PAG1: variants seen among roughly 807,000 people sequenced by gnomAD.
PAG1 encodes phosphoprotein membrane anchor with glycosphingolipid microdomains 1, also known as phosphoprotein associated with glycosphingolipid-enriched microdomains 1.
A neutral mutation model predicts 31.7 loss-of-function variants in PAG1; 23 were observed. The observed-to-expected ratio is 0.73, with a 90% CI of 0.52 to 1.03. The LOEUF is 1.03. PAG1 is among the 50% of genes least tolerant of loss of function. PAG1 has a pLI of 0.00. For missense variants in PAG1, 473 were observed against 540.7 expected, an observed-to-expected ratio of 0.87 and a Z score of 1.24; for synonymous variants, 214 against 210.3, an observed-to-expected ratio of 1.02 and a Z score of -0.15.
Position 81,097,164 on chromosome 8 carries a change from G to T in PAG1, c.-234+14427C>A, listed in dbSNP as rs1809541407. Among the ~76,000 whole-genome samples the T allele has an allele frequency of 2.6e-5, 4 of 152,172 alleles. No homozygotes were observed. In the South Asian group the frequency reaches 8.3e-4, roughly 32 times the overall value. On this transcript the variant is annotated intron_variant, in intron 1 of 8. Coordinates refer to ENST00000220597, the MANE Select transcript of PAG1 (RefSeq NM_018440.4). ...CCAAGGTTGGGGCCCCACCCCCAGG[G>T]CACTTTAACCAAAATTACTGGGGGT...
intron 3 of PAG1, among the ~76,000 whole-genome samples, chr8:81,001,124 TC>T (rs1203111532): frequency 6.6e-6 from 1 of 152,210 alleles, no homozygotes; most frequent in Non-Finnish European, 1.5e-5. Flanking sequence ...GCCAAAACCC[TC>T]CCACCTCTCA....
intron 3 of PAG1, among the ~76,000 whole-genome samples, chr8:81,020,576 A>T (rs1808146227): frequency 6.6e-6 from 1 of 152,092 alleles, no homozygotes; most frequent in Non-Finnish European, 1.5e-5. Flanking sequence ...TTTGCCTTCT[A>T]CCATGATTAT....
intron 2 of PAG1, among the ~76,000 whole-genome samples, chr8:81,052,079 G>A (rs560586979): frequency 2.0e-5 from 3 of 146,660 alleles, no homozygotes; most frequent in Non-Finnish European, 4.4e-5. Context: ...GCGGTGAGCC[G>A]ATATCATGCC....
intron 2 of PAG1, among the ~76,000 whole-genome samples, chr8:81,034,146 C>G (rs1023116143): frequency 2.6e-5 from 4 of 152,148 alleles, no homozygotes; most frequent in African/African-American, 7.2e-5. Context: ...ATAAATCAAC[C>G]CCACTTGATA....
In PAG1 at chr8:80,969,667, T is replaced by C. The variant is rs1169409908; in HGVS notation, c.*6877A>G. 1 of 152,204 alleles carries C rather than the reference T, an allele frequency of 6.6e-6. No individual in the cohort carries two copies. The highest frequency in any genetic ancestry group is 2.4e-5 in the African/African-American group (1 of 41,436). 9.4% of individuals were successfully genotyped at this position (152,204 alleles called of 1,614,324 possible). A position where few individuals can be genotyped will look rare whatever the true frequency, so the allele number is the denominator to read the frequency against. The stretch of plus-strand genomic sequence containing the variant: ...GTATACTAGGGGAACTTTAAAAAAC[T>C]AAATGTATAAAGAGAATGAGCAGAG... On this transcript the variant is annotated 3_prime_UTR_variant, in exon 9 of 9. Transcript: ENST00000220597.
chr8:81,068,331 T>C (rs369386699), intron 2 of PAG1, among the ~76,000 whole-genome samples: 1 of 152,214 alleles, frequency 6.6e-6, no homozygotes, highest in African/African-American at 2.4e-5. Flanking sequence ...TAAAACATCA[T>C]AAAGTCGCTA....
chr8:81,017,852 C>A (rs939389271), intron 3 of PAG1, among the ~76,000 whole-genome samples: 9 of 152,234 alleles, frequency 5.9e-5, no homozygotes, highest in African/African-American at 1.7e-4. Context: ...TTAAACAGCC[C>A]CTTGGGTAAT....
chr8:81,087,297 C>G (rs1365902380), intron 1 of PAG1, among the ~76,000 whole-genome samples: 1 of 141,164 alleles, frequency 7.1e-6, no homozygotes, highest in African/African-American at 2.7e-5. Flanking sequence ...GAGCCGAGAT[C>G]ACACCATTGC....
chr8:81,034,205 G>A (rs1808425916), intron 2 of PAG1, among the ~76,000 whole-genome samples: 1 of 152,216 alleles, frequency 6.6e-6, no homozygotes, highest in Non-Finnish European at 1.5e-5. Context: ...TAACTGCCAT[G>A]TCAAAAGGAC....
chr8:81,109,963 A>T (rs1281562532), intron 1 of PAG1, among the ~76,000 whole-genome samples: 1 of 152,202 alleles, frequency 6.6e-6, no homozygotes, highest in Admixed American at 6.5e-5. Context: ...TCTAGAGATA[A>T]GCACTGGATG....
intron 3 of PAG1, among the ~76,000 whole-genome samples, chr8:81,004,502 C>A (rs16908318): frequency 0.028 from 4,205 of 152,258 alleles, 187 homozygotes; most frequent in African/African-American, 0.096. Flanking sequence ...CTTCTAATCA[C>A]ACCATGAATA....
intron 1 of PAG1, among the ~76,000 whole-genome samples, chr8:81,086,005 G>A (rs1307653480): frequency 3.8e-5 from 3 of 79,962 alleles, no homozygotes; most frequent in South Asian, 4.0e-4. Flanking sequence ...TTTTTGAGAC[G>A]GAGTCTCGCT....
At chr8:81,087,500 A>G (rs187047789) in intron 1 of PAG1, among the ~76,000 whole-genome samples, 1 of 152,344 alleles carries the variant, frequency 6.6e-6, no homozygotes, top group African/African-American at 2.4e-5. Context: ...TTGTGTTAAT[A>G]ACAGAACAGA....
chr8:81,106,292 C>G lies in PAG1; in HGVS notation c.-234+5299G>C, dbSNP rs560612123. On this transcript the variant is annotated intron_variant, in intron 1 of 8. Coordinates refer to ENST00000220597, the MANE Select transcript of PAG1 (RefSeq NM_018440.4). ...AACCCCTGACCTCAAGTGATCCACC[C>G]TCCTCAGCCTCCCAAAGTGCTCAGA... Among the ~76,000 whole-genome samples the G allele has an allele frequency of 7.2e-5, 11 of 152,274 alleles. No individual in the cohort carries two copies. In the East Asian group the frequency reaches 2.1e-3, roughly 29 times the overall value.
chr8:81,093,117 G>A (rs1263269858), intron 1 of PAG1, among the ~76,000 whole-genome samples: 2 of 152,164 alleles, frequency 1.3e-5, no homozygotes, highest in Admixed American at 1.3e-4. Context: ...CAAATGGTAT[G>A]CTGACAGCAT....
In PAG1 at chr8:81,052,220, A is replaced by G. The variant is rs528019013; in HGVS notation, c.-175+17892T>C. ...TGAAGAAAGTAGTTTCCAAATTTTC[A>G]TTTTCATAGCTAAAACCTATTTAAA... On this transcript the variant is annotated intron_variant, in intron 2 of 8. Transcript: ENST00000220597. Among the ~76,000 whole-genome samples the G allele has an allele frequency of 2.1e-3, 317 of 151,916 alleles. 4 individuals carry two copies. The highest frequency in any genetic ancestry group is 3.2e-3 in the Middle Eastern group (1 of 314).
intron 1 of PAG1, among the ~76,000 whole-genome samples, chr8:81,080,995 A>C (rs1809256748): frequency 6.6e-6 from 1 of 152,176 alleles, no homozygotes; most frequent in South Asian, 2.1e-4. Context: ...ATAGTCAGTA[A>C]GAAAGGATGC....
intron 8 of PAG1, among the ~76,000 whole-genome samples, chr8:80,978,405 G>T (rs1200674434): frequency 6.6e-6 from 1 of 152,082 alleles, no homozygotes; most frequent in South Asian, 2.1e-4. Flanking sequence ...CTAAATGGTG[G>T]TCCAAGCCAA....
At chr8:81,044,041 A>G (rs1301584072) in intron 2 of PAG1, among the ~76,000 whole-genome samples, 1 of 152,180 alleles carries the variant, frequency 6.6e-6, no homozygotes, top group African/African-American at 2.4e-5. Flanking sequence ...TGAACGGTCA[A>G]GGCCAAGAGG....
Sources: gnomAD v4.1 joint callset for allele counts (sites outside exome capture counted in the v4.1 genomes callset) on GRCh38, gnomAD v4.1.1 for gene constraint, MANE v1.5 for transcripts, NCBI Gene and HGNC (gene_info 2026-07-23, HGNC 2026-07-21) for gene names.